The following TRIM64B variants were observed in gnomAD, a reference collection of about 807,000 sequenced individuals.
TRIM64B encodes the protein tripartite motif-containing protein 64B.
For missense variants in TRIM64B, 57 were observed against 536.4 expected, an observed-to-expected ratio of 0.11 and a Z score of 8.83; for synonymous variants, 17 against 190.3, an observed-to-expected ratio of 0.09 and a Z score of 7.50.
At chr11:89,872,074 G>T in intron 5 of TRIM64B, 141 bp downstream of exon 6, 2 of 628,820 alleles carry the variant, frequency 3.2e-6, no homozygotes, top group South Asian at 2.0e-5. Context: ...TTACTATGCA[G>T]GTAGGGAAGA....
chr11:89,876,649 G>C (rs1279737375), upstream of TRIM64B, among the ~76,000 whole-genome samples: 21 of 149,124 alleles, frequency 1.4e-4, no homozygotes, highest in Non-Finnish European at 3.0e-5. Flanking sequence ...TTGAACCCAG[G>C]AGGCGGAGGT....
upstream of TRIM64B, among the ~76,000 whole-genome samples, chr11:89,877,723 A>G (rs1950174235): frequency 6.7e-6 from 1 of 149,238 alleles, no homozygotes; most frequent in Non-Finnish European, 1.5e-5. Flanking sequence ...AGGTTCAAAC[A>G]ATTCTCCTGC....
upstream of TRIM64B, among the ~76,000 whole-genome samples, chr11:89,877,198 T>A (rs1950170889): frequency 9.7e-6 from 1 of 102,796 alleles, no homozygotes; most frequent in Non-Finnish European, 2.0e-5. Context: ...CAGTGGACTG[T>A]CAACTCCTAA....
intron 4 of TRIM64B, 59 bp from the exon 6 acceptor site, chr11:89,872,371 C>A (rs1950119406): frequency 6.5e-7 from 1 of 1,530,974 alleles, no homozygotes; most frequent in Non-Finnish European, 8.7e-7. Context: ...CACAGTCATA[C>A]AAAGATATCA....
rs1192241795 is a variant in TRIM64B at position 89,872,565 on chromosome 11, T to C, written c.759-253A>G. Among the ~76,000 whole-genome samples, 3 of 151,802 alleles carry C rather than the reference T, an allele frequency of 2.0e-5. 1 individual carries two copies. The highest frequency in any genetic ancestry group is 7.3e-5 in the African/African-American group (3 of 41,036). ...CAACTTCTAAAGTCATTAAAAGTCA[T>C]TGCCTCCCTCTGCCCATCACACCCC... is the stretch of plus-strand genomic sequence containing the variant. On this transcript the variant is annotated intron_variant, in intron 4 of 5. Coordinates refer to ENST00000329862, the Ensembl canonical transcript of TRIM64B.
chr11:89,870,782 G>A lies in TRIM64B; in HGVS notation c.1189C>T (p.Gln397Ter), dbSNP rs1306145984. The A allele has an allele frequency of 6.4e-7, 1 of 1,551,690 alleles. No individual in the cohort carries two copies. Among genetic ancestry groups the A allele is most frequent in the African/African-American group, 1.4e-5 (1 of 73,036 alleles). Residue 397 changes from glutamine (Q) to a stop codon, truncating the protein, a stop_gained, in exon 6 of 6, where the codon CAG becomes TAG. Transcript: ENST00000329862. LOFTEE classifies it high-confidence loss of function. ...CGACCCAGAGGCCTTTGCACATACT[G>A]AATTAAAGGTGGAGAGTTGGTGGAG...
At chr11:89,877,734 C>T (rs1257001607), upstream of TRIM64B, among the ~76,000 whole-genome samples, 15 of 149,506 alleles carry the variant, frequency 1.0e-4, no homozygotes, top group South Asian at 2.3e-3. Flanking sequence ...ATTCTCCTGC[C>T]GCAGCCTCCT....
At chr11:89,878,163 A>G (rs1236090470), upstream of TRIM64B, among the ~76,000 whole-genome samples, 1 of 133,708 alleles carries the variant, frequency 7.5e-6, no homozygotes, top group Non-Finnish European at 1.6e-5. Context: ...GAAAAATCTA[A>G]CAATACAGAA....
chr11:89,874,936 T>G, intron 2 of TRIM64B, 42 bp downstream of exon 3: 1 of 1,514,744 alleles, frequency 6.6e-7, no homozygotes, highest in Non-Finnish European at 9.0e-7. Flanking sequence ...GCTAACATTG[T>G]GTTTATTTGC....
intron 1 of TRIM64B, 26 bp downstream of exon 2, chr11:89,875,584 C>A (rs1378701227): frequency 1.4e-6 from 2 of 1,429,770 alleles, no homozygotes; most frequent in Non-Finnish European, 1.9e-6. Context: ...CTGTATAATT[C>A]AAACTGCCTT....
chr11:89,871,369 C>T (rs1950106078), intron 5 of TRIM64B, among the ~76,000 whole-genome samples: 1 of 152,218 alleles, frequency 6.6e-6, no homozygotes, highest in South Asian at 2.1e-4. Context: ...TCTACATCTG[C>T]ATAGTTGGTT....
chr11:89,871,724 A>G (rs1385223947), intron 5 of TRIM64B, among the ~76,000 whole-genome samples: 1 of 95,324 alleles, frequency 1.0e-5, no homozygotes, highest in Non-Finnish European at 2.1e-5. Context: ...TTGTTACTAG[A>G]TGTATCTGAT....
upstream of TRIM64B, among the ~76,000 whole-genome samples, chr11:89,877,608 T>G (rs2134714917): frequency 6.8e-6 from 1 of 146,416 alleles, no homozygotes; most frequent in Admixed American, 6.8e-5. Context: ...TTTTTCTTTT[T>G]CTTTTTTTTT....
chr11:89,876,681 C>T (rs1950166811), upstream of TRIM64B, among the ~76,000 whole-genome samples: 1 of 147,660 alleles, frequency 6.8e-6, no homozygotes, highest in African/African-American at 2.5e-5. Context: ...GAGATCGCAC[C>T]ACTGCACTCC....
chr11:89,873,625 A>AG (rs1950134261), intron 3 of TRIM64B, among the ~76,000 whole-genome samples: 1 of 78,046 alleles, frequency 1.3e-5, no homozygotes, highest in African/African-American at 5.1e-5. Flanking sequence ...GAAACAGAGT[A>AG]CATGGACATT....
At chr11:89,875,014 A>G (rs1223174279) in exon 2 of TRIM64B, 3 of 1,551,064 alleles carry the variant, frequency 1.9e-6, no homozygotes, top group Non-Finnish European at 2.6e-6. Flanking sequence ...CCTGATTTAG[A>G]TTGTTTCTTG....
At position 89,875,381 on chromosome 11, in the gene TRIM64B, G is replaced by A. The variant is rs531262430; in HGVS notation, c.408+229C>T. 2.4e-4 allele frequency among the ~76,000 whole-genome samples: 37 copies of A among 152,408 alleles called. No individual in the cohort carries two copies. In the East Asian group the frequency reaches 3.9e-3, roughly 16 times the overall value. On this transcript the variant is annotated intron_variant, in intron 1 of 5. Transcript: ENST00000329862. ...CCAGCTCCACAGCTCCATTCTACAC[G>A]TTTGAACAATGTTTCTAAGGAGACC...
upstream of TRIM64B, among the ~76,000 whole-genome samples, chr11:89,877,520 G>A (rs567529377): frequency 2.0e-5 from 3 of 147,820 alleles, no homozygotes; most frequent in African/African-American, 7.3e-5. Flanking sequence ...TTCACCTTTC[G>A]CTTAGTGACT....
At position 89,871,778 on chromosome 11, in the gene TRIM64B, T is replaced by C. The variant is rs1224288032; in HGVS notation, c.856+437A>G. 2.5e-4 allele frequency among the ~76,000 whole-genome samples: 15 copies of C among 60,162 alleles called. 1 individual carries two copies. In the East Asian group the frequency reaches 5.6e-3, roughly 23 times the overall value. 39.5% of individuals were successfully genotyped at this position (60,162 alleles called of 152,430 possible). On this transcript the variant is annotated intron_variant, in intron 5 of 5. Transcript: ENST00000329862. The stretch of plus-strand genomic sequence containing the variant: ...ATTATGGATATTTTAGTCATTTTCT[T>C]TGTTGATCAAAATGTTCTGATTTTG...
Sources: allele counts gnomAD v4.1 joint callset (sites outside exome capture counted in the v4.1 genomes callset), GRCh38; gene constraint gnomAD v4.1.1; transcripts MANE v1.5; gene names NCBI Gene and HGNC (gene_info 2026-07-23, HGNC 2026-07-21).